The following IKZF3 variants were observed in gnomAD, a reference collection of about 807,000 sequenced individuals.
The protein encoded by IKZF3 is IKAROS family zinc finger 3.
In IKZF3, 10 loss-of-function variants were observed where a neutral mutation model predicts 49.0. That is an observed-to-expected ratio of 0.20 (90% CI 0.13 to 0.35). The LOEUF (loss-of-function observed/expected upper bound fraction) is 0.35. Ranked by LOEUF, IKZF3 falls within the 10% of genes least tolerant of loss-of-function variation. The probability of loss-of-function intolerance (pLI) is 1.00; values close to 1 mark genes in which losing one functional copy is unlikely to be tolerated. For missense variants in IKZF3, 498 were observed against 664.8 expected (o/e 0.75, Z 2.76); for synonymous variants, 209 against 228.2 (o/e 0.92, Z 0.76).
chr17:39,825,557 T>C (rs542331322), intron 3 of IKZF3, among the ~76,000 whole-genome samples: 3 of 152,320 alleles, frequency 2.0e-5, no homozygotes, highest in African/African-American at 7.2e-5. Flanking sequence ...TTGACTGGTA[T>C]CTGGCCCTGG....
chr17:39,832,001 A>G (rs1399678756), intron 2 of IKZF3, 97 bp downstream of exon 2: 1 of 864,374 alleles, frequency 1.2e-6, no homozygotes, highest in African/African-American at 1.7e-5. Context: ...ACACATTTCC[A>G]TAGCATTTTT....
At chr17:39,796,377 G>A (rs760104966) in intron 3 of IKZF3, among the ~76,000 whole-genome samples, 49 of 152,028 alleles carry the variant, frequency 3.2e-4, no homozygotes, top group Non-Finnish European at 5.7e-4. Flanking sequence ...ATCAAACTGT[G>A]GAACCTTTTC....
intron 6 of IKZF3, among the ~76,000 whole-genome samples, chr17:39,783,318 G>A (rs2060791591): frequency 6.6e-6 from 1 of 152,124 alleles, no homozygotes; most frequent in African/African-American, 2.4e-5. Context: ...TACTACCTGT[G>A]AGATAGCATT....
In IKZF3 at chr17:39,766,500, C is replaced by T. The variant is rs756196399; in HGVS notation, c.827-7G>A. ...AAGCAGTGGCGCTTCTCACCTGGAA[C>T]AAGTGACAGAAAGGGTTACAAAGGG... On this transcript the variant is annotated splice_polypyrimidine_tract_variant and splice_region_variant and intron_variant, in intron 7 of 7. Coordinates refer to ENST00000346872, the MANE Select transcript of IKZF3 (RefSeq NM_012481.5). 16 of 1,598,700 alleles carry T rather than the reference C, an allele frequency of 1.0e-5. No homozygotes were observed. The Admixed American group carries it at 1.2e-4, about 12-fold the overall frequency.
At chr17:39,777,963 G>T (rs1322591693) in intron 6 of IKZF3, 196 bp from the exon 7 acceptor site, 9 of 1,261,836 alleles carry the variant, frequency 7.1e-6, no homozygotes, top group Non-Finnish European at 8.0e-6. Flanking sequence ...TTCAAATCTT[G>T]CAGTCTTATG....
chr17:39,825,473 G>A (rs913521939), intron 3 of IKZF3, among the ~76,000 whole-genome samples: 1 of 152,194 alleles, frequency 6.6e-6, no homozygotes, highest in East Asian at 1.9e-4. Flanking sequence ...GGCAAGGCAG[G>A]GCTGGGTAAA....
Position 39,766,026 on chromosome 17 carries a change from G to A in IKZF3, c.1294C>T (p.Pro432Ser), listed in dbSNP as rs756689961. ...TTGACGGAGTCTCTTGGGCAGATGG[G>A]CGGGGGCTTGAGGAGTTCGTAAGAG... The part of the protein sequence containing the change: ...PRSYELLKPP[P>S]ICPRDSVKVI... The change falls in exon 8 of 8, where the codon CCC (proline) becomes TCC (serine). Residue 432 changes from proline (P) to serine (S), a missense_variant. Around this residue, in one of 3 missense-constraint regions of IKZF3, gnomAD observed 317 missense variants for 397.3 expected, o/e 0.80. Transcript: ENST00000346872. 2 of 1,614,192 alleles carry A rather than the reference G, an allele frequency of 1.2e-6. No homozygotes were observed. Among genetic ancestry groups the A allele is most frequent in the Non-Finnish European group, 8.5e-7 (1 of 1,180,032 alleles).
chr17:39,777,990 C>G, intron 6 of IKZF3: 1 of 1,210,824 alleles, frequency 8.3e-7, no homozygotes, highest in South Asian at 2.8e-5. Context: ...TGGGAAAGCT[C>G]GACCCATCCC....
chr17:39,778,271 G>A, intron 6 of IKZF3: 1 of 751,762 alleles, frequency 1.3e-6, no homozygotes, highest in Non-Finnish European at 1.6e-6. Context: ...AGTGATTTGT[G>A]TATTGAAATT....
In IKZF3 at chr17:39,758,452, T is replaced by TC. The variant is rs2060111635; in HGVS notation, c.*7337_*7338insG. The TC allele has an allele frequency of 6.6e-6, 1 of 152,078 alleles. No individual in the cohort carries two copies. The highest frequency in any genetic ancestry group is 2.1e-4 in the South Asian group (1 of 4,828). The allele number at this position is 152,078 out of a possible 1,614,324, so 9.4% of individuals were successfully genotyped here. ...ATGTTAAAATGTGTGTTCTCAGTCT[T>TC]TTCAAGAGAGGAAGAAGCAAAGCGG... On this transcript the variant is annotated 3_prime_UTR_variant, in exon 8 of 8. Coordinates refer to ENST00000346872, the MANE Select transcript of IKZF3 (RefSeq NM_012481.5).
chr17:39,782,686 C>T (rs993615261), intron 6 of IKZF3, among the ~76,000 whole-genome samples: 3 of 151,920 alleles, frequency 2.0e-5, no homozygotes, highest in Non-Finnish European at 2.9e-5. Flanking sequence ...GTTTAAATGA[C>T]GAAATAGGAA....
At chr17:39,801,478 A>G (rs543232377) in intron 3 of IKZF3, among the ~76,000 whole-genome samples, 2 of 152,306 alleles carry the variant, frequency 1.3e-5, no homozygotes, top group African/African-American at 4.8e-5. Context: ...TTGAAGCACT[A>G]AAGAGCAAAA....
chr17:39,777,828 G>A (rs2060628895), intron 6 of IKZF3, 61 bp from the exon 7 acceptor site: 2 of 1,582,776 alleles, frequency 1.3e-6, no homozygotes, highest in Non-Finnish European at 1.7e-6. Context: ...GGGGAGAAAA[G>A]GAAATAAACT....
chr17:39,831,872 C>A (rs2062117538), intron 2 of IKZF3, among the ~76,000 whole-genome samples: 1 of 152,070 alleles, frequency 6.6e-6, no homozygotes, highest in African/African-American at 2.4e-5. Flanking sequence ...AACAAACAAA[C>A]AGTGATCAAC....
intron 3 of IKZF3, among the ~76,000 whole-genome samples, chr17:39,815,072 CA>C (rs1354680725): frequency 1.3e-5 from 2 of 152,122 alleles, no homozygotes; most frequent in African/African-American, 4.8e-5. Flanking sequence ...GTGTTAAATA[CA>C]GGGGGTCAGT....
chr17:39,766,023 T>C lies in IKZF3; in HGVS notation c.1297A>G (p.Ile433Val), dbSNP rs1436946084. Residue 433 changes from isoleucine to valine, a missense_variant, in exon 8 of 8, where the codon ATC becomes GTC. Around this residue, in one of 3 missense-constraint regions of IKZF3, gnomAD observed 317 missense variants for 397.3 expected, o/e 0.80. Coordinates refer to ENST00000346872, the MANE Select transcript of IKZF3 (RefSeq NM_012481.5). ...RSYELLKPPP[I>V]CPRDSVKVIN... is the part of the protein sequence containing the mutation. ...ACTTTGACGGAGTCTCTTGGGCAGA[T>C]GGGCGGGGGCTTGAGGAGTTCGTAA... 3.7e-6 allele frequency: 6 copies of C among 1,614,156 alleles called. No homozygotes were observed. The highest frequency in any genetic ancestry group is 4.2e-6 in the Non-Finnish European group (5 of 1,180,020).
rs375924326 is a variant in IKZF3 at position 39,854,572 on chromosome 17, G to A, written c.7+9548C>T. The stretch of plus-strand genomic sequence containing the variant: ...ATTAGACAGCAAAAAATGTCACTAC[G>A]TTTCAGAAAAGGAAGGTATTCCTCT... On this transcript the variant is annotated intron_variant, in intron 1 of 7. Transcript: ENST00000346872. Among the ~76,000 whole-genome samples, 9 of 152,286 alleles carry A rather than the reference G, an allele frequency of 5.9e-5. 1 individual carries two copies. The East Asian group carries it at 1.5e-3, about 26-fold the overall frequency.
intron 1 of IKZF3, chr17:39,839,617 T>C (rs1041915791): frequency 2.5e-6 from 1 of 396,436 alleles, no homozygotes. Flanking sequence ...AGGGTCTGAC[T>C]CTGTTGCCCA....
At chr17:39,840,254 T>C (rs1421208666) in intron 1 of IKZF3, among the ~76,000 whole-genome samples, 3 of 152,226 alleles carry the variant, frequency 2.0e-5, no homozygotes, top group Non-Finnish European at 4.4e-5. Flanking sequence ...CTCTCTGGCT[T>C]TCTCCACTGC....
Sources: allele counts gnomAD v4.1 joint callset (sites outside exome capture counted in the v4.1 genomes callset), GRCh38; gene constraint gnomAD v4.1.1; regional missense constraint gnomAD v4.1.1; transcripts MANE v1.5; gene names NCBI Gene and HGNC (gene_info 2026-07-23, HGNC 2026-07-21).